The following HIBCH variants were observed in gnomAD, a reference collection of about 807,000 sequenced individuals.
HIBCH encodes the protein 3-hydroxyisobutyryl-CoA hydrolase, also known as 3-hydroxyisobutyryl-CoA hydrolase, mitochondrial.
HIBCH carries 50 observed loss-of-function variants against 58.2 expected under a neutral mutation model. The ratio of observed to expected loss-of-function variants is 0.86; its 90% CI spans 0.68 to 1.09. The LOEUF is 1.09. Among genes scored for constraint, HIBCH ranks in the 50% least tolerant of loss-of-function variants. The pLI, the probability that HIBCH is intolerant of heterozygous loss-of-function variation, is 0.00. For missense variants in HIBCH, 450 were observed against 449.7 expected (o/e 1.00, Z -0.01); for synonymous variants, 151 against 146.9 (o/e 1.03, Z -0.20).
intron 8 of HIBCH, chr2:190,250,268 C>T (rs1686725626): frequency 1.2e-5 from 5 of 400,606 alleles, no homozygotes; most frequent in African/African-American, 6.3e-5. Context: ...ACCTTAAGGC[C>T]GGCTGTACTG....
rs571398376 is a variant in HIBCH at position 190,306,253 on chromosome 2, C to T, written c.78+4501G>A. 3.7e-4 allele frequency among the ~76,000 whole-genome samples: 56 copies of T among 152,062 alleles called. No individual in the cohort carries two copies. Among genetic ancestry groups the T allele is most frequent in the Non-Finnish European group, 7.5e-4 (51 of 68,010 alleles). ...GCTGAGGGATGCAATCTGGCATAAGCGCTGGAAATTTCTCTGTACCTTACT... is the reference window on the plus strand; with the variant it reads ...GCTGAGGGATGCAATCTGGCATAAGTGCTGGAAATTTCTCTGTACCTTACT... On this transcript the variant is annotated intron_variant, in intron 2 of 13. Coordinates refer to ENST00000359678, the MANE Select transcript of HIBCH (RefSeq NM_014362.4). This position sits in a 1 kb window ranked among gnomAD's most constrained non-coding sequence, Gnocchi z 4.6.
At chr2:190,244,532 G>A (rs756334453) in intron 11 of HIBCH, among the ~76,000 whole-genome samples, 48 of 152,122 alleles carry the variant, frequency 3.2e-4, no homozygotes, top group Non-Finnish European at 6.9e-4. Context: ...TGTATCATAA[G>A]GTGACTAATC....
rs1687646947 is a variant in HIBCH, at chr2:190,279,464, G to A, written c.438+8122C>T. 6.6e-6 allele frequency among the ~76,000 whole-genome samples: 1 copy of A among 152,182 alleles called. No individual in the cohort carries two copies. Among genetic ancestry groups the A allele is most frequent in the Non-Finnish European group, 1.5e-5 (1 of 68,038 alleles). On this transcript the variant is annotated intron_variant, in intron 6 of 13. Coordinates refer to ENST00000359678, the MANE Select transcript of HIBCH (RefSeq NM_014362.4). This position sits in a 1 kb window ranked among gnomAD's most constrained non-coding sequence, Gnocchi z 4.2. ...CGAAGTCCAGAGTCCCATCTGTGAA[G>A]CCTGTGTAATCAAAACAAGTTATCT...
intron 11 of HIBCH, chr2:190,220,474 C>T (rs1685685732): frequency 6.6e-6 from 1 of 152,054 alleles, no homozygotes; most frequent in African/African-American, 2.4e-5. Context: ...TACCTACAGT[C>T]ACGGTGCTGC....
chr2:190,270,816 C>T (rs1423452354), intron 6 of HIBCH, among the ~76,000 whole-genome samples: 1 of 152,020 alleles, frequency 6.6e-6, no homozygotes, highest in East Asian at 1.9e-4. Flanking sequence ...TACTATGTTT[C>T]TCATATTAAC....
At chr2:190,234,940 C>A (rs1282500003) in intron 11 of HIBCH, among the ~76,000 whole-genome samples, 2 of 152,120 alleles carry the variant, frequency 1.3e-5, no homozygotes, top group African/African-American at 4.8e-5. Context: ...AGTAAGACAT[C>A]TGGGGCACTC....
At chr2:190,240,459 T>G (rs1686417203) in intron 11 of HIBCH, among the ~76,000 whole-genome samples, 1 of 152,160 alleles carries the variant, frequency 6.6e-6, no homozygotes, top group African/African-American at 2.4e-5. Flanking sequence ...ATTCACTGAT[T>G]TTTTTGAAGT....
At chr2:190,192,037 C>T (rs1474044318) in intron 1 of HIBCH, among the ~76,000 whole-genome samples, 3 of 151,868 alleles carry the variant, frequency 2.0e-5, no homozygotes, top group Admixed American at 6.6e-5. Flanking sequence ...AACTCTTTTC[C>T]TAACCCAAGA....
intron 9 of HIBCH, among the ~76,000 whole-genome samples, chr2:190,247,228 C>T (rs565864666): frequency 1.1e-4 from 16 of 152,204 alleles, no homozygotes; most frequent in East Asian, 5.8e-4. Flanking sequence ...TTGATCAAAA[C>T]GCTATCAGTG....
chr2:190,239,217 C>T (rs765001065), intron 11 of HIBCH, among the ~76,000 whole-genome samples: 5 of 152,080 alleles, frequency 3.3e-5, no homozygotes, highest in East Asian at 1.9e-4. Flanking sequence ...TTATTAAATA[C>T]GGAATCCTTT....
At chr2:190,317,911 C>T (rs1688747214) in intron 1 of HIBCH, among the ~76,000 whole-genome samples, 2 of 151,608 alleles carry the variant, frequency 1.3e-5, no homozygotes, top group East Asian at 3.9e-4. Context: ...GCAACCTCCC[C>T]CTCCCAGGTT....
intron 1 of HIBCH, among the ~76,000 whole-genome samples, chr2:190,190,632 AT>A: frequency 6.6e-6 from 1 of 152,330 alleles, no homozygotes; most frequent in Non-Finnish European, 1.5e-5. Flanking sequence ...CAGCCAAGGA[AT>A]TCTTTAAAAT....
chr2:190,287,909 C>T (rs1687871418), intron 5 of HIBCH, among the ~76,000 whole-genome samples: 1 of 152,200 alleles, frequency 6.6e-6, no homozygotes, highest in Non-Finnish European at 1.5e-5. Context: ...GTAATCTAAC[C>T]TCTTTGGGAG....
chr2:190,211,605 G>T lies in HIBCH; in HGVS notation c.1011+1351C>A, dbSNP rs1690513380. ...GTCACAAATGAAGTGACATCACAAA[G>T]ATGTCTTCCCTGATCTACTTAAGGA... On this transcript the variant is annotated intron_variant, in intron 12 of 13. Transcript: ENST00000359678. The surrounding 1 kb of genome is among the most constrained non-coding windows in gnomAD (Gnocchi z 5.0). Among the ~76,000 whole-genome samples the T allele has an allele frequency of 6.6e-6, 1 of 152,116 alleles. No individual in the cohort carries two copies. The highest frequency in any genetic ancestry group is 2.4e-5 in the African/African-American group (1 of 41,426).
In HIBCH at chr2:190,284,127, T is replaced by C. The variant is rs562777487; in HGVS notation, c.438+3459A>G. 2.0e-5 allele frequency among the ~76,000 whole-genome samples: 3 copies of C among 152,366 alleles called. No homozygotes were observed. In the East Asian group the frequency reaches 5.8e-4, roughly 29 times the overall value. ...ATAAAGTATATCTTTATTTGAAAGT[T>C]ATTTATGTTCTTTAAATACTGAAAA... On this transcript the variant is annotated intron_variant, in intron 6 of 13. Transcript: ENST00000359678.
chr2:190,252,094 G>T, intron 8 of HIBCH, 68 bp downstream of exon 8: 2 of 1,468,842 alleles, frequency 1.4e-6, no homozygotes, highest in Non-Finnish European at 1.9e-6. Context: ...ACCACCCATT[G>T]TACCTTCCCA....
At chr2:190,283,533 A>T (rs1257134810) in intron 6 of HIBCH, among the ~76,000 whole-genome samples, 1 of 152,194 alleles carries the variant, frequency 6.6e-6, no homozygotes, top group Non-Finnish European at 1.5e-5. Flanking sequence ...TTAAAAACAA[A>T]ATGTTACATT....
chr2:190,200,016 AG>A, downstream of HIBCH: 1 of 1,614,076 alleles, frequency 6.2e-7, no homozygotes, highest in Non-Finnish European at 8.5e-7. Flanking sequence ...AGGAACCTCC[AG>A]GGACCAATAC....
chr2:190,218,314 A>G (rs1685618492), intron 11 of HIBCH, among the ~76,000 whole-genome samples: 2 of 152,178 alleles, frequency 1.3e-5, no homozygotes, highest in South Asian at 2.1e-4. Context: ...AAAAAATAAA[A>G]TATAAGGGCC....
Sources: gnomAD v4.1 joint callset for allele counts (sites outside exome capture counted in the v4.1 genomes callset) on GRCh38, gnomAD v4.1.1 for gene constraint, Gnocchi (gnomAD v3.1) non-coding constraint, MANE v1.5 for transcripts, NCBI Gene and HGNC (gene_info 2026-07-23, HGNC 2026-07-21) for gene names.